ZFYVE16: variants seen among roughly 807,000 people sequenced by gnomAD.
ZFYVE16 encodes zinc finger FYVE-type containing 16, also known as zinc finger FYVE domain-containing protein 16.
ZFYVE16 carries 89 observed loss-of-function variants against 138.1 expected under a neutral mutation model. The ratio of observed to expected loss-of-function variants is 0.64; its 90% CI spans 0.54 to 0.77. The LOEUF is 0.77. Among genes scored for constraint, ZFYVE16 ranks in the 30% least tolerant of loss-of-function variants. The pLI is 0.00. For missense variants in ZFYVE16, 1,793 were observed against 1,786.7 expected, an observed-to-expected ratio of 1.00 and a Z score of -0.06; for synonymous variants, 596 against 618.3, an observed-to-expected ratio of 0.96 and a Z score of 0.53.
At chr5:80,425,166 T>C (rs1747812971) in intron 1 of ZFYVE16, among the ~76,000 whole-genome samples, 1 of 152,222 alleles carries the variant, frequency 6.6e-6, no homozygotes, top group Admixed American at 6.5e-5. Context: ...CTCCTTAGAG[T>C]ACTCCATTCT....
chr5:80,456,388 C>T (rs1327709662), intron 12 of ZFYVE16, 73 bp from the exon 13 acceptor site: 19 of 1,189,582 alleles, frequency 1.6e-5, no homozygotes. Context: ...AGAAGGATTT[C>T]TTAAAGAAGG....
At chr5:80,435,809 A>C in intron 3 of ZFYVE16, 1 of 367,940 alleles carries the variant, frequency 2.7e-6, no homozygotes, top group Non-Finnish European at 5.5e-6. Context: ...TCCTGATCTC[A>C]AGTTATCCTC....
In ZFYVE16 at chr5:80,437,722, C is replaced by A; in HGVS notation, c.1037C>A (p.Ser346Ter). ...TVIKQSAQED[S>*]KSLDLKDNDV... Reference sequence around the variant, plus strand: ...ATAAAACAATCTGCACAAGAAGACTCAAAAAGTTTAGACCTTAAGGATAAT... The same window carrying A: ...ATAAAACAATCTGCACAAGAAGACTAAAAAAGTTTAGACCTTAAGGATAAT... Residue 346 changes from serine (S) to a stop codon, truncating the protein, a stop_gained, in exon 4 of 19, where the codon TCA (serine) becomes TAA (stop). Transcript: ENST00000505560. LOFTEE classifies it high-confidence loss of function. The A allele has an allele frequency of 6.2e-7, 1 of 1,613,954 alleles. No individual in the cohort carries two copies. The highest frequency in any genetic ancestry group is 2.2e-5 in the East Asian group (1 of 44,876).
chr5:80,446,006 C>T (rs948166430), intron 7 of ZFYVE16, among the ~76,000 whole-genome samples: 3 of 151,652 alleles, frequency 2.0e-5, no homozygotes, highest in African/African-American at 7.3e-5. Context: ...AGTGATTCTC[C>T]TGCCTCAGCC....
At chr5:80,444,006 T>G (rs1751017582) in intron 6 of ZFYVE16, 1 of 330,050 alleles carries the variant, frequency 3.0e-6, no homozygotes, top group South Asian at 2.5e-5. Context: ...TAAATCTATT[T>G]TTAAATCTTT....
intron 11 of ZFYVE16, chr5:80,451,936 T>TGA: frequency 2.2e-6 from 1 of 454,260 alleles, no homozygotes. Context: ...ACCTAAAACT[T>TGA]TTCTTCTTAA....
At chr5:80,449,452 T>G in intron 8 of ZFYVE16, 139 bp from the exon 9 acceptor site, 2 of 777,238 alleles carry the variant, frequency 2.6e-6, no homozygotes, top group Non-Finnish European at 4.0e-6. Flanking sequence ...TTGTCTGGGG[T>G]GTTGATTTTA....
chr5:80,450,588 T>C lies in ZFYVE16; in HGVS notation c.3382+2T>C. 1 of 1,612,530 alleles carries C rather than the reference T, an allele frequency of 6.2e-7. No individual in the cohort carries two copies. The highest frequency in any genetic ancestry group is 8.5e-7 in the Non-Finnish European group (1 of 1,179,356). On this transcript the variant is annotated splice_donor_variant, in intron 10 of 18. Coordinates refer to ENST00000505560, the MANE Select transcript of ZFYVE16 (RefSeq NM_001284236.3). LOFTEE classifies it high-confidence loss of function. The stretch of plus-strand genomic sequence containing the variant: ...CCATATATAAGGATGCTCTAAAAGG[T>C]ATGGCATTTTATTTTGAACTGTTCA...
chr5:80,410,074 A>G (rs1183803443), intron 1 of ZFYVE16: 1 of 151,806 alleles, frequency 6.6e-6, no homozygotes, highest in Non-Finnish European at 1.5e-5. Flanking sequence ...ATTTGGTGAA[A>G]TATCTTTGCA....
chr5:80,442,251 A>G (rs557264078), intron 5 of ZFYVE16, among the ~76,000 whole-genome samples: 27 of 152,096 alleles, frequency 1.8e-4, no homozygotes, highest in South Asian at 1.5e-3. Context: ...CCACAGGCAC[A>G]CACTACCACG....
Position 80,437,801 on chromosome 5 carries a change from G to A in ZFYVE16, c.1116G>A (p.Pro372=), listed in dbSNP as rs760814913. The change falls in exon 4 of 19, where the codon CCG becomes CCA. Residue 372 remains proline, a synonymous_variant. Coordinates refer to ENST00000505560, the MANE Select transcript of ZFYVE16 (RefSeq NM_001284236.3). ...SALHVSSKDV[P]SSLSCLPASG... ...TACATGTTTCCAGTAAAGATGTGCC[G>A]TCCTCATTGTCCTGTCTTCCTGCGT... 91 of 1,613,844 alleles carry A rather than the reference G, an allele frequency of 5.6e-5. No individual in the cohort carries two copies. In the Admixed American group the frequency reaches 9.2e-4, roughly 16 times the overall value.
Position 80,434,408 on chromosome 5 carries a change from A to T in ZFYVE16, c.70+191A>T, listed in dbSNP as rs117246410. On this transcript the variant is annotated intron_variant, in intron 3 of 18. Coordinates refer to ENST00000505560, the MANE Select transcript of ZFYVE16 (RefSeq NM_001284236.3). ...CTGAATGGGACCCATAGCCAGAAAC[A>T]GAAGTAAGGAACCTAGAAAGTTTTT... is the stretch of plus-strand genomic sequence containing the variant. 3.9e-5 allele frequency among the ~76,000 whole-genome samples: 6 copies of T among 152,358 alleles called. No individual in the cohort carries two copies. The East Asian group carries it at 1.2e-3, about 29-fold the overall frequency.
At position 80,459,376 on chromosome 5, in the gene ZFYVE16, G is replaced by A. The variant is rs201238712; in HGVS notation, c.3944-38G>A. ...TAACAAATGTGTAACATAAAAATGA[G>A]CAGTTTAAAACAAATAATTGTTGTA... On this transcript the variant is annotated intron_variant, in intron 14 of 18. Coordinates refer to ENST00000505560, the MANE Select transcript of ZFYVE16 (RefSeq NM_001284236.3). The A allele has an allele frequency of 1.0e-5, 16 of 1,563,516 alleles. No individual in the cohort carries two copies. In the East Asian group the frequency reaches 3.6e-4, roughly 35 times the overall value.
At chr5:80,462,283 G>A (rs576618774) in intron 15 of ZFYVE16, among the ~76,000 whole-genome samples, 73 of 152,262 alleles carry the variant, frequency 4.8e-4, no homozygotes, top group Non-Finnish European at 8.5e-4. Flanking sequence ...ACAGTTCAGC[G>A]TGGCTGGGGA....
At position 80,428,648 on chromosome 5, in the gene ZFYVE16, A is replaced by G. The variant is rs151279401; in HGVS notation, c.-40+1103A>G. Among the ~76,000 whole-genome samples the G allele has an allele frequency of 5.8e-4, 88 of 152,336 alleles. 1 individual carries two copies. The Middle Eastern group carries it at 0.01, about 18-fold the overall frequency. ...TGAGAGAAGAAGGCTTCAGACGACCAAACTTCTCCGAACTAAAGCAGGAAG... is the reference window on the plus strand; with the variant it reads ...TGAGAGAAGAAGGCTTCAGACGACCGAACTTCTCCGAACTAAAGCAGGAAG... On this transcript the variant is annotated intron_variant, in intron 2 of 18. Transcript: ENST00000505560.
At chr5:80,415,634 A>G (rs993407237) in intron 1 of ZFYVE16, among the ~76,000 whole-genome samples, 2 of 151,110 alleles carry the variant, frequency 1.3e-5, no homozygotes, top group African/African-American at 4.9e-5. Flanking sequence ...ATAAAGTACA[A>G]TTTTCATCAA....
At position 80,480,210 on chromosome 5, in the gene ZFYVE16, A is replaced by T. The variant is rs1263588328; in HGVS notation, c.*2833A>T. Among the ~76,000 whole-genome samples the T allele has an allele frequency of 6.6e-6, 1 of 152,206 alleles. No individual in the cohort carries two copies. The highest frequency in any genetic ancestry group is 1.5e-5 in the Non-Finnish European group (1 of 68,030). On this transcript the variant is annotated 3_prime_UTR_variant, in exon 19 of 19. Transcript: ENST00000505560. ...TTTGTTTTCTTTGTTTAAGGAAATAAGGTGTGTGAATGTACTTGCAGGAAA... is the reference window on the plus strand; with the variant it reads ...TTTGTTTTCTTTGTTTAAGGAAATATGGTGTGTGAATGTACTTGCAGGAAA...
chr5:80,409,975 T>A (rs1287183218), intron 1 of ZFYVE16: 1 of 152,248 alleles, frequency 6.6e-6, no homozygotes, highest in Non-Finnish European at 1.5e-5. Flanking sequence ...GTTTTGCTTT[T>A]TTTTAAGTTT....
rs751326424 is a variant in ZFYVE16, at chr5:80,438,731, T to TA, written c.2047dup (p.Thr683AsnfsTer14). 6.2e-7 allele frequency: 1 copy of TA among 1,614,132 alleles called. No homozygotes were observed. Among genetic ancestry groups the TA allele is most frequent in the Admixed American group, 1.7e-5 (1 of 60,010 alleles). ...TAGAAAGTGAACCCAGCACAGCAGA[T>TA]ACCGTTGTTCCAATCACTTGTGCTA... On this transcript the variant is annotated frameshift_variant, in exon 4 of 19. Coordinates refer to ENST00000505560, the MANE Select transcript of ZFYVE16 (RefSeq NM_001284236.3). LOFTEE classifies it high-confidence loss of function.
Sources: gnomAD v4.1 joint callset for allele counts (sites outside exome capture counted in the v4.1 genomes callset) on GRCh38, gnomAD v4.1.1 for gene constraint, MANE v1.5 for transcripts, NCBI Gene and HGNC (gene_info 2026-07-23, HGNC 2026-07-21) for gene names.